The following ITGAE variants were observed in gnomAD, a reference collection of about 807,000 sequenced individuals.
ITGAE encodes the protein integrin subunit alpha E.
In ITGAE, 99 loss-of-function variants were observed where a neutral mutation model predicts 136.5. The ratio of observed to expected loss-of-function variants is 0.73; its 90% CI spans 0.62 to 0.86. ITGAE has a LOEUF of 0.86. Among genes scored for constraint, ITGAE ranks in the 40% least tolerant of loss-of-function variants. ITGAE has a pLI of 0.00. For missense variants in ITGAE, 1,447 were observed against 1,515.3 expected, an observed-to-expected ratio of 0.95 and a Z score of 0.75; for synonymous variants, 613 against 591.8, an observed-to-expected ratio of 1.04 and a Z score of -0.52.
At chr17:3,793,560 C>A (rs894331512) in intron 1 of ITGAE, among the ~76,000 whole-genome samples, 6 of 152,322 alleles carry the variant, frequency 3.9e-5, no homozygotes, top group African/African-American at 1.2e-4. Context: ...GTACAGCCTT[C>A]TTCCCTGCCT....
intron 8 of ITGAE, among the ~76,000 whole-genome samples, chr17:3,758,336 T>A (rs571147769): frequency 6.6e-6 from 1 of 150,684 alleles, no homozygotes; most frequent in East Asian, 2.0e-4. Context: ...TCCTTGAACT[T>A]CTGGGCTCAA....
Position 3,799,690 on chromosome 17 carries a change from C to G in ITGAE, c.34+1421G>C, listed in dbSNP as rs2053202831. Among the ~76,000 whole-genome samples the G allele has an allele frequency of 6.6e-6, 1 of 152,014 alleles. No individual in the cohort carries two copies. On this transcript the variant is annotated intron_variant, in intron 1 of 30. Coordinates refer to ENST00000263087, the MANE Select transcript of ITGAE (RefSeq NM_002208.5). This position sits in a 1 kb window ranked among gnomAD's most constrained non-coding sequence, Gnocchi z 4.1. The stretch of plus-strand genomic sequence containing the variant: ...CCAGATATTCTTGGTAATGGGAGAT[C>G]AAAGCCACAAGCCATAAAAAGAGTG...
At chr17:3,746,909 C>G (rs1242657814) in intron 17 of ITGAE, among the ~76,000 whole-genome samples, 1 of 152,190 alleles carries the variant, frequency 6.6e-6, no homozygotes, top group Non-Finnish European at 1.5e-5. Context: ...CATTTTCAAT[C>G]CCCAGGTGGA....
At chr17:3,784,224 C>T in intron 1 of ITGAE, 1 of 261,048 alleles carries the variant, frequency 3.8e-6, no homozygotes, top group Non-Finnish European at 7.3e-6. Flanking sequence ...TGCGCCACTG[C>T]ACTCCCGCCT....
intron 26 of ITGAE, chr17:3,724,245 C>T (rs778969179): frequency 1.3e-6 from 2 of 1,592,770 alleles, no homozygotes; most frequent in Non-Finnish European, 1.7e-6. Context: ...CTGGAAGCTG[C>T]GAGCTCGCCC....
chr17:3,728,367 C>CTT, intron 24 of ITGAE, 199 bp from the exon 25 acceptor site: 3 of 288,288 alleles, frequency 1.0e-5, no homozygotes, highest in Admixed American at 6.0e-5. Context: ...TACACTCATC[C>CTT]CTTTTTTTTT....
chr17:3,759,750 C>A (rs765974508), intron 7 of ITGAE, among the ~76,000 whole-genome samples, 197 bp from the exon 8 acceptor site: 6 of 152,212 alleles, frequency 3.9e-5, no homozygotes, highest in Non-Finnish European at 5.9e-5. Flanking sequence ...CAGTGAATCA[C>A]AGACTTCTCC....
rs564422180 is a variant in ITGAE at position 3,736,276 on chromosome 17, T to C, written c.2523-1327A>G. Among the ~76,000 whole-genome samples the C allele has an allele frequency of 9.2e-5, 14 of 152,216 alleles. No homozygotes were observed. In the East Asian group the frequency reaches 2.7e-3, roughly 29 times the overall value. On this transcript the variant is annotated intron_variant, in intron 20 of 30. Transcript: ENST00000263087. ...GTGAGCCATGAGCACACTATTGCAC[T>C]CCAGCCTGGGCAACAAGAGTGAAAC... is the stretch of plus-strand genomic sequence containing the variant.
chr17:3,774,525 A>T, intron 2 of ITGAE, among the ~76,000 whole-genome samples: 1 of 152,162 alleles, frequency 6.6e-6, no homozygotes, highest in South Asian at 2.1e-4. Flanking sequence ...GCACTTTGGG[A>T]GGCCGAAGTG....
chr17:3,797,155 ATATTTTTTTTTTTTT>A (rs1295246874), intron 1 of ITGAE, among the ~76,000 whole-genome samples: 350 of 24,052 alleles, frequency 0.015, 1 homozygote, highest in African/African-American at 0.048. Context: ...ATATATATAT[ATATTTTTTTTTTTTT>A]TTTTTTTTTT....
chr17:3,761,210 A>G (rs1391946480), intron 5 of ITGAE, 33 bp from the exon 6 acceptor site: 3 of 1,603,902 alleles, frequency 1.9e-6, no homozygotes, highest in Non-Finnish European at 2.6e-6. Flanking sequence ...GCTCAGAGTC[A>G]GAAAGGCTCC....
intron 1 of ITGAE, among the ~76,000 whole-genome samples, chr17:3,778,638 T>A (rs1040437235): frequency 1.3e-5 from 2 of 152,178 alleles, no homozygotes; most frequent in African/African-American, 4.8e-5. Flanking sequence ...CATTTATGTG[T>A]GATTTTTTTT....
chr17:3,723,803 C>T (rs2051119449), intron 26 of ITGAE, 59 bp from the exon 27 acceptor site: 1 of 1,589,342 alleles, frequency 6.3e-7, no homozygotes, highest in Non-Finnish European at 8.6e-7. Flanking sequence ...GTTTTCCGTC[C>T]CGTCCCGGCC....
At chr17:3,792,096 A>G (rs2052952262) in intron 1 of ITGAE, among the ~76,000 whole-genome samples, 2 of 152,232 alleles carry the variant, frequency 1.3e-5, no homozygotes, top group South Asian at 4.1e-4. Context: ...GGCACAAAGT[A>G]GATATCTATA....
chr17:3,772,467 CTT>C (rs72134638), intron 2 of ITGAE, among the ~76,000 whole-genome samples: 13 of 137,370 alleles, frequency 9.5e-5, no homozygotes, highest in South Asian at 9.2e-4. Context: ...GGTGAGCAGA[CTT>C]TTTTTTTTTT....
rs767033103 is a variant in ITGAE, at chr17:3,777,592, G to GGCACCT, written c.102_103insAGGTGC (p.Ala34_Pro35insArgCys). 11 of 1,613,920 alleles carry GGCACCT rather than the reference G, an allele frequency of 6.8e-6. No homozygotes were observed. In the Admixed American group the frequency reaches 1.8e-4, roughly 27 times the overall value. ...TGCAGAAGGGAGCTGAGCACGAAAGGGGCACCTCCCTTGGGCGTGAGCCAG... is the reference window on the plus strand; with the variant it reads ...TGCAGAAGGGAGCTGAGCACGAAAGGGCACCTGGCACCTCCCTTGGGCGTGAGCCAG... On this transcript the variant is annotated inframe_insertion, in exon 2 of 31. Transcript: ENST00000263087.
chr17:3,760,090 G>T (rs889432160), intron 7 of ITGAE, 82 bp downstream of exon 7: 3 of 824,684 alleles, frequency 3.6e-6, no homozygotes, highest in South Asian at 1.5e-5. Flanking sequence ...ATAGAATTGT[G>T]AGCAAATGTG....
At position 3,801,026 on chromosome 17, in the gene ITGAE, CAG is replaced by C. The variant is rs2053246377; in HGVS notation, c.34+83_34+84del. 1.3e-5 allele frequency: 19 copies of C among 1,474,510 alleles called. No individual in the cohort carries two copies. The Admixed American group carries it at 3.0e-4, about 23-fold the overall frequency. 91.3% of individuals were successfully genotyped at this position (1,474,510 alleles called of 1,614,324 possible). A position where few individuals can be genotyped will look rare whatever the true frequency, so the allele number is the denominator to read the frequency against. On this transcript the variant is annotated intron_variant, in intron 1 of 30. Transcript: ENST00000263087. ...GGCTCTAACTGAGCCCCATCAGAGACAGACAGTCAAGGCTGTAGTCTGCAGAC... is the reference window on the plus strand; with the variant it reads ...GGCTCTAACTGAGCCCCATCAGAGACACAGTCAAGGCTGTAGTCTGCAGAC...
intron 1 of ITGAE, among the ~76,000 whole-genome samples, chr17:3,788,465 T>TTG (rs1159168660): frequency 6.8e-6 from 1 of 146,524 alleles, no homozygotes. Context: ...AATTTTTTTT[T>TTG]TTTTTTTTTT....
Sources: gnomAD v4.1 joint callset for allele counts (sites outside exome capture counted in the v4.1 genomes callset) on GRCh38, gnomAD v4.1.1 for gene constraint, Gnocchi (gnomAD v3.1) non-coding constraint, MANE v1.5 for transcripts, NCBI Gene and HGNC (gene_info 2026-07-23, HGNC 2026-07-21) for gene names.